SNTA1: variants seen among roughly 807,000 people sequenced by gnomAD.
SNTA1 encodes the protein alpha-1-syntrophin.
SNTA1 carries 31 observed loss-of-function variants against 47.1 expected under a neutral mutation model. That is an observed-to-expected ratio of 0.66 (90% CI 0.49 to 0.89). The LOEUF (loss-of-function observed/expected upper bound fraction) is 0.89. Among genes scored for constraint, SNTA1 ranks in the 40% least tolerant of loss-of-function variants. SNTA1 has a pLI of 0.00. For synonymous variants in SNTA1, 300 were observed against 313.6 expected (o/e 0.96, Z 0.46); for missense variants, 575 against 693.0 (o/e 0.83, Z 1.91).
chr20:33,417,990 C>A, intron 2 of SNTA1, 67 bp from the exon 3 acceptor site: 2 of 1,056,144 alleles, frequency 1.9e-6, no homozygotes, highest in Non-Finnish European at 2.9e-6. Flanking sequence ...ACAATTGTCA[C>A]TAATTTATTA....
chr20:33,418,867 C>T (rs1244577386), intron 2 of SNTA1, among the ~76,000 whole-genome samples: 1 of 147,310 alleles, frequency 6.8e-6, no homozygotes, highest in African/African-American at 2.5e-5. Flanking sequence ...AATTCCAGCA[C>T]TTTGGGAGGC....
chr20:33,427,913 A>AT (rs879634953), intron 2 of SNTA1, among the ~76,000 whole-genome samples: 230 of 148,316 alleles, frequency 1.6e-3, no homozygotes, highest in African/African-American at 2.7e-3. Flanking sequence ...AATCCATGGG[A>AT]TTTTTTTTTT....
At chr20:33,422,256 T>C (rs1390538820) in intron 2 of SNTA1, among the ~76,000 whole-genome samples, 1 of 151,100 alleles carries the variant, frequency 6.6e-6, no homozygotes, top group South Asian at 2.1e-4. Flanking sequence ...TTGGCCAACG[T>C]GGTGAAACCT....
intron 3 of SNTA1, 56 bp from the exon 4 acceptor site, chr20:33,412,838 A>G: frequency 7.8e-7 from 1 of 1,279,402 alleles, no homozygotes. Context: ...CAGCTGCCCA[A>G]CCCTGGCCCA....
chr20:33,408,428 G>T lies in SNTA1; in HGVS notation c.*79C>A, dbSNP rs78892511. The T allele has an allele frequency of 4.2e-4, 424 of 1,008,622 alleles. No homozygotes were observed. The highest frequency in any genetic ancestry group is 5.7e-4 in the Non-Finnish European group (366 of 637,518). The allele number at this position is 1,008,622 out of a possible 1,614,324, so 62.5% of individuals were successfully genotyped here. On this transcript the variant is annotated 3_prime_UTR_variant, in exon 8 of 8. Transcript: ENST00000217381. ...TCCTCTCCCTTCCCTCAGCCCAGGG[G>T]TGAGCAGGCAGTCGGTGGAGGCCCA...
intron 2 of SNTA1, among the ~76,000 whole-genome samples, chr20:33,432,362 G>T (rs1990330540): frequency 6.6e-6 from 1 of 152,210 alleles, no homozygotes. Context: ...AGTCAGTCAA[G>T]CTCAGCATGA....
rs144821472 is a variant in SNTA1, at chr20:33,410,163, G to A, written c.1209C>T (p.Ala403=). 5.5e-5 allele frequency: 89 copies of A among 1,614,054 alleles called. No individual in the cohort carries two copies. Among genetic ancestry groups the A allele is most frequent in the Non-Finnish European group, 7.4e-5 (87 of 1,180,044 alleles). Residue 403 remains alanine, a synonymous_variant, in exon 6 of 8, where the codon GCC becomes GCT. Coordinates refer to ENST00000217381, the MANE Select transcript of SNTA1 (RefSeq NM_003098.3). ...TAGACACCTCCTGCACACCCTCGGC[G>A]GCCCGGTGACAGCCATCCACAAGCT... ...TRQLVDGCHR[A]AEGVQEVSTA...
intron 2 of SNTA1, among the ~76,000 whole-genome samples, chr20:33,433,016 A>G (rs1235303793): frequency 1.3e-5 from 2 of 151,594 alleles, no homozygotes. Context: ...TGCGACATCC[A>G]CCTCCTGGGT....
chr20:33,423,859 G>C (rs1990092809), intron 2 of SNTA1, among the ~76,000 whole-genome samples: 1 of 152,172 alleles, frequency 6.6e-6, no homozygotes, highest in Admixed American at 6.6e-5. Context: ...GCTGTTCCTT[G>C]TCTGTTCAGT....
intron 2 of SNTA1, among the ~76,000 whole-genome samples, chr20:33,425,724 C>T (rs759388216): frequency 6.6e-6 from 1 of 151,920 alleles, no homozygotes; most frequent in Non-Finnish European, 1.5e-5. Context: ...AACGTCCTTG[C>T]TCTGTGACCT....
At chr20:33,422,099 G>T (rs1049658311) in intron 2 of SNTA1, among the ~76,000 whole-genome samples, 1 of 151,886 alleles carries the variant, frequency 6.6e-6, no homozygotes, top group African/African-American at 2.4e-5. Flanking sequence ...TACTTCCTAG[G>T]TCTCCGATTC....
intron 1 of SNTA1, among the ~76,000 whole-genome samples, chr20:33,440,744 G>A (rs1164342168): frequency 6.6e-6 from 1 of 152,234 alleles, no homozygotes; most frequent in Non-Finnish European, 1.5e-5. Flanking sequence ...CTTGAACCCA[G>A]GAGGTGGAGA....
chr20:33,428,600 T>C (rs1654655177), intron 2 of SNTA1, among the ~76,000 whole-genome samples: 1 of 151,802 alleles, frequency 6.6e-6, no homozygotes, highest in African/African-American at 2.4e-5. Flanking sequence ...TAAGAGACAG[T>C]GTCTTGCTTT....
chr20:33,432,874 T>G (rs551861107), intron 2 of SNTA1, among the ~76,000 whole-genome samples: 1 of 152,122 alleles, frequency 6.6e-6, no homozygotes, highest in South Asian at 2.1e-4. Flanking sequence ...AATAAAAGCC[T>G]GATCTCTATG....
Position 33,410,266 on chromosome 20 carries a change from C to T in SNTA1, c.1106G>A (p.Arg369His), listed in dbSNP as rs1012069434. The T allele has an allele frequency of 8.1e-6, 13 of 1,612,506 alleles. No homozygotes were observed. Among genetic ancestry groups the T allele is most frequent in the African/African-American group, 5.3e-5 (4 of 74,880 alleles). Residue 369 changes from arginine to histidine, a missense_variant, in exon 6 of 8, where the codon CGC becomes CAC. By Grantham distance (29) the Arg-to-His change is conservative. Transcript: ENST00000217381. ...GTCCACACCGTGACGCGTGCCCGTG[C>T]GCAGGGCAAAAGAGAGCTCTGCATC... ...PYDAELSFAL[R>H]TGTRHGVDTH...
At chr20:33,421,576 C>T (rs1311702039) in intron 2 of SNTA1, among the ~76,000 whole-genome samples, 1 of 151,944 alleles carries the variant, frequency 6.6e-6, no homozygotes, top group African/African-American at 2.4e-5. Context: ...TGTGCCATTG[C>T]ACTCCAGCCT....
At chr20:33,420,039 T>C (rs1989982345) in intron 2 of SNTA1, among the ~76,000 whole-genome samples, 1 of 152,070 alleles carries the variant, frequency 6.6e-6, no homozygotes, top group East Asian at 1.9e-4. Flanking sequence ...ATCTCCTGCC[T>C]CAGCCTCCCA....
chr20:33,420,356 T>G (rs1989989941), intron 2 of SNTA1, among the ~76,000 whole-genome samples: 1 of 152,186 alleles, frequency 6.6e-6, no homozygotes, highest in Non-Finnish European at 1.5e-5. Context: ...CTCAAGATGT[T>G]CGGGAGGATA....
chr20:33,408,995 G>C, intron 6 of SNTA1, 107 bp from the exon 7 acceptor site: 2 of 962,166 alleles, frequency 2.1e-6, no homozygotes, highest in Non-Finnish European at 3.4e-6. Flanking sequence ...TGCCTCCAGG[G>C]ATGGGAGGCT....
Sources: allele counts gnomAD v4.1 joint callset (sites outside exome capture counted in the v4.1 genomes callset), GRCh38; gene constraint gnomAD v4.1.1; transcripts MANE v1.5; gene names NCBI Gene and HGNC (gene_info 2026-07-23, HGNC 2026-07-21).